Variants in SMAP1 observed in about 807,000 individuals in gnomAD.
SMAP1 encodes small ArfGAP 1.
A neutral mutation model predicts 58.5 loss-of-function variants in SMAP1; 24 were observed. The observed-to-expected ratio is 0.41, with a 90% CI of 0.30 to 0.58. The LOEUF (loss-of-function observed/expected upper bound fraction) is 0.58, where lower values mean the gene tolerates loss of function less well. SMAP1 is among the 20% of genes least tolerant of loss of function. The probability of loss-of-function intolerance (pLI) is 0.29; values close to 1 mark genes in which losing one functional copy is unlikely to be tolerated. For synonymous variants in SMAP1, 216 were observed against 196.6 expected (o/e 1.10, Z -0.82); for missense variants, 563 against 566.3 (o/e 0.99, Z 0.06).
chr6:70,725,928 T>C (rs1412733582), intron 1 of SMAP1, among the ~76,000 whole-genome samples: 1 of 152,230 alleles, frequency 6.6e-6, no homozygotes, highest in Non-Finnish European at 1.5e-5. Flanking sequence ...GGAAGTGACT[T>C]AGCATTTCGA....
intron 7 of SMAP1, among the ~76,000 whole-genome samples, chr6:70,851,568 T>C (rs1460017736): frequency 6.6e-6 from 1 of 152,230 alleles, no homozygotes; most frequent in Non-Finnish European, 1.5e-5. Context: ...GTTGTGATGC[T>C]CTGAACTGTT....
intron 1 of SMAP1, among the ~76,000 whole-genome samples, chr6:70,692,524 A>G (rs1040386847): frequency 1.8e-4 from 27 of 152,240 alleles, no homozygotes; most frequent in Middle Eastern, 3.4e-3. Flanking sequence ...AGTGTCCCCA[A>G]TGTTTTAGTA....
At chr6:70,763,830 T>C (rs1766854106) in intron 3 of SMAP1, among the ~76,000 whole-genome samples, 1 of 152,218 alleles carries the variant, frequency 6.6e-6, no homozygotes, top group Non-Finnish European at 1.5e-5. Flanking sequence ...GCTTTAACTC[T>C]TCAGTTCTGT....
At chr6:70,828,473 G>A (rs979383732) in intron 6 of SMAP1, among the ~76,000 whole-genome samples, 6 of 152,120 alleles carry the variant, frequency 3.9e-5, no homozygotes, top group African/African-American at 1.2e-4. Flanking sequence ...CTAAAGTATT[G>A]CTCTGACCAC....
chr6:70,807,110 G>A lies in SMAP1; in HGVS notation c.576+8373G>A, dbSNP rs1384329403. On this transcript the variant is annotated intron_variant, in intron 6 of 10. Coordinates refer to ENST00000370455, the MANE Select transcript of SMAP1 (RefSeq NM_001044305.3). ...CTCATCCCATACTATGCTAACTAGG[G>A]AATTAATAACTTTCATTGATTTGTG... 3.3e-5 allele frequency among the ~76,000 whole-genome samples: 5 copies of A among 152,172 alleles called. No individual in the cohort carries two copies. In the South Asian group the frequency reaches 6.2e-4, roughly 19 times the overall value.
chr6:70,776,214 C>T (rs920773112), intron 4 of SMAP1, among the ~76,000 whole-genome samples: 5 of 152,020 alleles, frequency 3.3e-5, no homozygotes, highest in Non-Finnish European at 5.9e-5. Context: ...GACAGAGTCT[C>T]GCTCTGTTGC....
chr6:70,847,805 G>A (rs1443500768), intron 7 of SMAP1, among the ~76,000 whole-genome samples: 3 of 152,014 alleles, frequency 2.0e-5, no homozygotes, highest in South Asian at 2.1e-4. Context: ...GCATGTCTAC[G>A]GTGAATTCTG....
At chr6:70,700,304 A>G (rs1034702039) in intron 1 of SMAP1, among the ~76,000 whole-genome samples, 9 of 152,218 alleles carry the variant, frequency 5.9e-5, no homozygotes, top group African/African-American at 2.2e-4. Flanking sequence ...GAACCAATTA[A>G]ACCTCTTTTC....
chr6:70,767,517 C>A (rs1233170599), intron 3 of SMAP1, among the ~76,000 whole-genome samples: 19 of 151,978 alleles, frequency 1.3e-4, no homozygotes, highest in African/African-American at 4.1e-4. Context: ...AGCAATTGTG[C>A]ATGGGAGTTC....
At position 70,858,238 on chromosome 6, in the gene SMAP1, CA is replaced by C. The variant is rs759082926; in HGVS notation, c.1269+10del. ...AGTGGAGCCTCTCACAGGTAGGGGT[CA>C]TTTACTTTCTAGCTTCTCCCAAATC... On this transcript the variant is annotated intron_variant, in intron 10 of 10. Coordinates refer to ENST00000370455, the MANE Select transcript of SMAP1 (RefSeq NM_001044305.3). 3.5e-6 allele frequency: 5 copies of C among 1,427,620 alleles called. No individual in the cohort carries two copies. The Admixed American group carries it at 9.6e-5, about 27-fold the overall frequency. The allele number at this position is 1,427,620 out of a possible 1,614,324, so 88.4% of individuals were successfully genotyped here.
intron 1 of SMAP1, among the ~76,000 whole-genome samples, chr6:70,717,532 T>C (rs1484686989): frequency 6.6e-6 from 1 of 152,212 alleles, no homozygotes; most frequent in African/African-American, 2.4e-5. Context: ...GTCTAAACTT[T>C]TTCTACCTGT....
chr6:70,752,941 T>C lies in SMAP1; in HGVS notation c.253-2039T>C, dbSNP rs569538344. On this transcript the variant is annotated intron_variant, in intron 2 of 10. Coordinates refer to ENST00000370455, the MANE Select transcript of SMAP1 (RefSeq NM_001044305.3). Reference sequence around the variant, plus strand: ...GTCTCCTATAGAAATGACTCATTATTCCACATCACCTCTACCTTTCAGATT... The same window carrying C: ...GTCTCCTATAGAAATGACTCATTATCCCACATCACCTCTACCTTTCAGATT... Among the ~76,000 whole-genome samples the C allele has an allele frequency of 7.2e-4, 109 of 152,322 alleles. 1 individual carries two copies. Among genetic ancestry groups the C allele is most frequent in the Non-Finnish European group, 1.3e-3 (87 of 68,024 alleles).
intron 1 of SMAP1, among the ~76,000 whole-genome samples, chr6:70,690,386 A>C (rs988571093): frequency 6.6e-6 from 1 of 151,800 alleles, no homozygotes; most frequent in African/African-American, 2.4e-5. Context: ...GGCTCACTGC[A>C]ACCTCCGCCT....
At chr6:70,834,098 C>T (rs1441391938) in intron 6 of SMAP1, among the ~76,000 whole-genome samples, 2 of 152,148 alleles carry the variant, frequency 1.3e-5, no homozygotes, top group Non-Finnish European at 2.9e-5. Flanking sequence ...GTTGGGATTA[C>T]TAGAGGACCT....
intron 7 of SMAP1, among the ~76,000 whole-genome samples, chr6:70,849,684 A>C (rs1031978692): frequency 3.3e-5 from 5 of 152,222 alleles, no homozygotes; most frequent in African/African-American, 1.2e-4. Context: ...TATATAAAGA[A>C]GACTATTTTT....
chr6:70,771,244 C>G (rs1055780457), intron 3 of SMAP1, among the ~76,000 whole-genome samples: 5 of 152,226 alleles, frequency 3.3e-5, no homozygotes, highest in African/African-American at 9.6e-5. Context: ...TCTCAGATCT[C>G]CAGCTGTGTG....
chr6:70,827,978 AAAAG>A (rs1481826950), intron 6 of SMAP1, among the ~76,000 whole-genome samples: 10 of 152,240 alleles, frequency 6.6e-5, no homozygotes, highest in Non-Finnish European at 1.5e-4. Context: ...AAACAGGAGA[AAAAG>A]AAACTAAAGA....
At chr6:70,720,287 A>C (rs142878198) in intron 1 of SMAP1, among the ~76,000 whole-genome samples, 1 of 152,198 alleles carries the variant, frequency 6.6e-6, no homozygotes, top group Admixed American at 6.5e-5. Flanking sequence ...CAGGTCTTGC[A>C]TCGAGGTTAT....
At chr6:70,722,014 T>C (rs1000004784) in intron 1 of SMAP1, among the ~76,000 whole-genome samples, 1 of 152,208 alleles carries the variant, frequency 6.6e-6, no homozygotes, top group Non-Finnish European at 1.5e-5. Flanking sequence ...CTTTACATGA[T>C]CACAGTACGT....
Sources: gnomAD v4.1 joint callset for allele counts (sites outside exome capture counted in the v4.1 genomes callset) on GRCh38, gnomAD v4.1.1 for gene constraint, MANE v1.5 for transcripts, NCBI Gene and HGNC (gene_info 2026-07-23, HGNC 2026-07-21) for gene names.